PTPN2: variants seen among roughly 807,000 people sequenced by gnomAD.
PTPN2 encodes the protein tyrosine-protein phosphatase non-receptor type 2.
PTPN2 carries 19 observed loss-of-function variants against 57.3 expected under a neutral mutation model. The observed-to-expected ratio is 0.33, with a 90% CI of 0.23 to 0.49. The LOEUF (loss-of-function observed/expected upper bound fraction) is 0.49, where lower values mean the gene tolerates loss of function less well. Ranked by LOEUF, PTPN2 falls within the 20% of genes least tolerant of loss-of-function variation. The pLI, the probability that PTPN2 is intolerant of heterozygous loss-of-function variation, is 0.99. For synonymous variants in PTPN2, 153 were observed against 164.9 expected, an observed-to-expected ratio of 0.93 and a Z score of 0.55; for missense variants, 358 against 501.1, an observed-to-expected ratio of 0.71 and a Z score of 2.73.
chr18:12,843,616 C>A (rs2043119680), intron 2 of PTPN2, among the ~76,000 whole-genome samples: 1 of 152,150 alleles, frequency 6.6e-6, no homozygotes, highest in Non-Finnish European at 1.5e-5. Context: ...ATCAGCTCCG[C>A]TGGTGGAGGG....
At position 12,876,623 on chromosome 18, in the gene PTPN2, A is replaced by G. The variant is rs150500436; in HGVS notation, c.69+7450T>C. On this transcript the variant is annotated intron_variant, in intron 1 of 8. Transcript: ENST00000309660. ...AAAACAATATGATTTCTAGGTATAC[A>G]TTCCCCATTGGGGCACCCATCCCAA... is the stretch of plus-strand genomic sequence containing the variant. Among the ~76,000 whole-genome samples the G allele has an allele frequency of 1.6e-4, 25 of 152,368 alleles. No individual in the cohort carries two copies. In the East Asian group the frequency reaches 4.2e-3, roughly 26 times the overall value.
chr18:12,860,552 G>A (rs1283008736), intron 1 of PTPN2, among the ~76,000 whole-genome samples: 2 of 152,052 alleles, frequency 1.3e-5, no homozygotes, highest in South Asian at 2.1e-4. Flanking sequence ...AGCCGAGGTC[G>A]TACCACTGTA....
Position 12,831,520 on chromosome 18 carries a change from A to G in PTPN2, c.262-479T>C, listed in dbSNP as rs2145375164. Among the ~76,000 whole-genome samples, 2 of 152,276 alleles carry G rather than the reference A, an allele frequency of 1.3e-5. 1 individual carries two copies. Among genetic ancestry groups the G allele is most frequent in the South Asian group, 4.1e-4 (2 of 4,824 alleles). On this transcript the variant is annotated intron_variant, in intron 3 of 8. Coordinates refer to ENST00000309660, the MANE Select transcript of PTPN2 (RefSeq NM_002828.4). ...CACGAGTAGGAGTATCTGACTGATC[A>G]TGTTCTAGCTGCAAAGAAGGTAGAC...
chr18:12,798,716 ACG>A (rs1389392073), intron 8 of PTPN2, among the ~76,000 whole-genome samples: 1 of 152,232 alleles, frequency 6.6e-6, no homozygotes, highest in Non-Finnish European at 1.5e-5. Flanking sequence ...CAATCAACAT[ACG>A]CGTGTGTTTA....
chr18:12,816,200 T>C (rs2042068207), intron 6 of PTPN2, among the ~76,000 whole-genome samples: 1 of 152,064 alleles, frequency 6.6e-6, no homozygotes, highest in Non-Finnish European at 1.5e-5. Context: ...CTTGGGAGGC[T>C]GAGGTGGGAG....
chr18:12,815,347 G>C (rs2042039630), intron 6 of PTPN2, among the ~76,000 whole-genome samples: 1 of 151,824 alleles, frequency 6.6e-6, no homozygotes, highest in African/African-American at 2.4e-5. Flanking sequence ...GGGAGGCGGA[G>C]GTTGCAGTGA....
chr18:12,805,469 A>C (rs1394500511), intron 7 of PTPN2, among the ~76,000 whole-genome samples: 1 of 151,896 alleles, frequency 6.6e-6, no homozygotes, highest in Non-Finnish European at 1.5e-5. Flanking sequence ...AAAAAAAAAA[A>C]AATTCAACAT....
intron 3 of PTPN2, among the ~76,000 whole-genome samples, chr18:12,832,337 G>A (rs911297955): frequency 9.2e-5 from 14 of 151,974 alleles, no homozygotes; most frequent in Non-Finnish European, 1.6e-4. Flanking sequence ...GGTTGGTCTC[G>A]AACTCCTGAC....
chr18:12,830,898 G>C (rs1568123851), intron 4 of PTPN2, 45 bp downstream of exon 4: 1 of 1,393,496 alleles, frequency 7.2e-7, no homozygotes, highest in African/African-American at 1.4e-5. Context: ...ATATGCTAAT[G>C]ATCACATACA....
At chr18:12,824,805 G>T (rs1297251180) in intron 5 of PTPN2, among the ~76,000 whole-genome samples, 2 of 152,172 alleles carry the variant, frequency 1.3e-5, no homozygotes, top group Non-Finnish European at 2.9e-5. Context: ...TGCAAGTAAG[G>T]CCTGGCATGG....
chr18:12,860,234 AG>A (rs2043749698), intron 1 of PTPN2, among the ~76,000 whole-genome samples: 1 of 151,520 alleles, frequency 6.6e-6, no homozygotes, highest in Non-Finnish European at 1.5e-5. Context: ...GGTTACAGTG[AG>A]CCAAGATCGT....
intron 1 of PTPN2, among the ~76,000 whole-genome samples, chr18:12,867,628 T>TCA (rs1555678925): frequency 6.6e-6 from 1 of 152,010 alleles, no homozygotes; most frequent in East Asian, 1.9e-4. Flanking sequence ...TAATAGAGTT[T>TCA]CGCTTCAGTC....
intron 1 of PTPN2, among the ~76,000 whole-genome samples, chr18:12,879,315 G>A (rs1368863334): frequency 2.0e-5 from 3 of 152,068 alleles, no homozygotes; most frequent in African/African-American, 7.2e-5. Flanking sequence ...ACTCTTTCAC[G>A]ATCAATTCTT....
intron 7 of PTPN2, among the ~76,000 whole-genome samples, chr18:12,813,576 G>A (rs912243655): frequency 5.3e-5 from 8 of 152,158 alleles, no homozygotes; most frequent in Non-Finnish European, 1.2e-4. Flanking sequence ...TGAAAAGACA[G>A]TCGATCTTCT....
chr18:12,853,360 C>T (rs1283578633), intron 2 of PTPN2, among the ~76,000 whole-genome samples: 1 of 152,122 alleles, frequency 6.6e-6, no homozygotes, highest in Non-Finnish European at 1.5e-5. Flanking sequence ...AGGCTGGTCT[C>T]AAACTCCTGG....
intron 2 of PTPN2, among the ~76,000 whole-genome samples, chr18:12,846,018 G>GT (rs779468673): frequency 6.6e-6 from 1 of 152,154 alleles, no homozygotes; most frequent in Non-Finnish European, 1.5e-5. Flanking sequence ...TTTTGAAACT[G>GT]TAAGTCAGTT....
At chr18:12,851,694 T>C (rs1201481488) in intron 2 of PTPN2, among the ~76,000 whole-genome samples, 1 of 152,218 alleles carries the variant, frequency 6.6e-6, no homozygotes, top group African/African-American at 2.4e-5. Flanking sequence ...AAAGTAGTTA[T>C]GCCATTTGCT....
chr18:12,877,780 G>A (rs2044538380), intron 1 of PTPN2, among the ~76,000 whole-genome samples: 1 of 152,180 alleles, frequency 6.6e-6, no homozygotes, highest in Admixed American at 6.5e-5. Flanking sequence ...GGGAGGCCGA[G>A]GCAGGTGGAT....
chr18:12,874,458 C>T (rs2044402550), intron 1 of PTPN2, among the ~76,000 whole-genome samples: 1 of 137,994 alleles, frequency 7.2e-6, no homozygotes, highest in Non-Finnish European at 1.6e-5. Context: ...AGGTGAGGGG[C>T]GCCTCTGCCC....
Sources: gnomAD v4.1 joint callset for allele counts (sites outside exome capture counted in the v4.1 genomes callset) on GRCh38, gnomAD v4.1.1 for gene constraint, MANE v1.5 for transcripts, NCBI Gene and HGNC (gene_info 2026-07-23, HGNC 2026-07-21) for gene names.